BABAM2: variants seen among roughly 807,000 people sequenced by gnomAD.
BABAM2 encodes the protein BRISC and BRCA1-A complex member 2.
In BABAM2, 31 loss-of-function variants were observed where a neutral mutation model predicts 54.7. The observed-to-expected ratio is 0.57, with a 90% CI of 0.43 to 0.77. BABAM2 has a LOEUF of 0.77. Ranked by LOEUF, BABAM2 falls within the 30% of genes least tolerant of loss-of-function variation. The pLI, the probability that BABAM2 is intolerant of heterozygous loss-of-function variation, is 0.00. For synonymous variants in BABAM2, 167 were observed against 162.9 expected (o/e 1.03, Z -0.19); for missense variants, 364 against 455.8 (o/e 0.80, Z 1.83).
intron 7 of BABAM2, among the ~76,000 whole-genome samples, chr2:28,136,317 T>C (rs1426928872): frequency 6.6e-6 from 1 of 152,216 alleles, no homozygotes; most frequent in African/African-American, 2.4e-5. Flanking sequence ...TTTCCCTGTG[T>C]TTATGCCTCC....
At chr2:28,046,414 C>T (rs924737439) in intron 6 of BABAM2, among the ~76,000 whole-genome samples, 1 of 152,042 alleles carries the variant, frequency 6.6e-6, no homozygotes, top group African/African-American at 2.4e-5. Flanking sequence ...GACCCAAGAT[C>T]GAGCCACTGC....
At chr2:28,092,778 C>G (rs954753423) in intron 6 of BABAM2, among the ~76,000 whole-genome samples, 5 of 151,484 alleles carry the variant, frequency 3.3e-5, no homozygotes, top group African/African-American at 1.2e-4. Context: ...CTCTCACGCT[C>G]TCTCTCTCTC....
At chr2:28,290,900 G>A (rs1687231183) in intron 10 of BABAM2, among the ~76,000 whole-genome samples, 1 of 152,090 alleles carries the variant, frequency 6.6e-6, no homozygotes, top group South Asian at 2.1e-4. Flanking sequence ...CATCAAAATA[G>A]TTAAAATTTA....
At position 27,983,942 on chromosome 2, in the gene BABAM2, C is replaced by CTTTTTTTTTTTTTTTTTTTTTTT; in HGVS notation, c.206-4032_206-4031insTTTTTTTTTTTTTTTTTTTTTTT. Among the ~76,000 whole-genome samples the CTTTTTTTTTTTTTTTTTTTTTTT allele has an allele frequency of 3.5e-4, 11 of 31,136 alleles. 1 individual carries two copies. Among genetic ancestry groups the CTTTTTTTTTTTTTTTTTTTTTTT allele is most frequent in the South Asian group, 1.6e-3 (1 of 638 alleles). The allele number at this position is 31,136 out of a possible 152,430, so 20.4% of individuals were successfully genotyped here. A position where few individuals can be genotyped will look rare whatever the true frequency, so the allele number is the denominator to read the frequency against. On this transcript the variant is annotated intron_variant, in intron 3 of 11. Coordinates refer to ENST00000379624, the MANE Select transcript of BABAM2 (RefSeq NM_199191.3). Reference sequence around the variant, plus strand: ...TTTCCAATGTAGATACATTTTGTACCTTTTTTTTTTTTTTTTTTTGCCAAA... The same window carrying CTTTTTTTTTTTTTTTTTTTTTTT: ...TTTCCAATGTAGATACATTTTGTACCTTTTTTTTTTTTTTTTTTTTTTTTTTTTTTTTTTTTTTTTTTGCCAAA...
At chr2:28,121,943 A>G (rs961545267) in intron 6 of BABAM2, among the ~76,000 whole-genome samples, 1 of 152,150 alleles carries the variant, frequency 6.6e-6, no homozygotes, top group East Asian at 1.9e-4. Flanking sequence ...GGTCAGGCGC[A>G]GTGACTCACG....
At chr2:28,118,148 T>C (rs1208970127) in intron 6 of BABAM2, among the ~76,000 whole-genome samples, 1 of 152,200 alleles carries the variant, frequency 6.6e-6, no homozygotes, top group Non-Finnish European at 1.5e-5. Context: ...GTAAAACAGT[T>C]GCAAAAATTG....
intron 2 of BABAM2, among the ~76,000 whole-genome samples, chr2:27,907,909 A>T (rs1464904660): frequency 2.0e-5 from 3 of 152,188 alleles, no homozygotes; most frequent in Non-Finnish European, 4.4e-5. Flanking sequence ...CACTTTGTTT[A>T]TCCATTCATC....
At chr2:28,324,128 G>A (rs1690252125) in intron 11 of BABAM2, among the ~76,000 whole-genome samples, 1 of 152,150 alleles carries the variant, frequency 6.6e-6, no homozygotes. Context: ...GGTGCAATGG[G>A]GGTTGGCAGT....
intron 5 of BABAM2, among the ~76,000 whole-genome samples, chr2:28,029,654 T>C (rs1311827584): frequency 6.6e-6 from 1 of 152,184 alleles, no homozygotes; most frequent in Non-Finnish European, 1.5e-5. Flanking sequence ...TCATGCTACA[T>C]TGAACATAGG....
At chr2:28,040,131 C>G (rs1676953967) in intron 5 of BABAM2, among the ~76,000 whole-genome samples, 1 of 151,952 alleles carries the variant, frequency 6.6e-6, no homozygotes, top group South Asian at 2.1e-4. Context: ...AAGTCATTAT[C>G]TGAGGTAGAA....
At chr2:28,303,937 G>A (rs190437431) in intron 11 of BABAM2, among the ~76,000 whole-genome samples, 20 of 151,974 alleles carry the variant, frequency 1.3e-4, no homozygotes, top group Admixed American at 9.8e-4. Context: ...CTAGAGTACC[G>A]TGGCGCAATC....
chr2:28,051,385 C>G (rs763136502), intron 6 of BABAM2, among the ~76,000 whole-genome samples: 9 of 152,142 alleles, frequency 5.9e-5, no homozygotes, highest in Non-Finnish European at 2.9e-5. Flanking sequence ...AAGGAGAAGT[C>G]CAAAGAAATT....
intron 5 of BABAM2, among the ~76,000 whole-genome samples, chr2:28,039,242 A>G (rs887784429): frequency 1.3e-5 from 2 of 152,208 alleles, no homozygotes; most frequent in African/African-American, 4.8e-5. Flanking sequence ...TACTCTCTCA[A>G]TAACTGTAGG....
At chr2:27,942,866 G>T (rs887808419) in intron 3 of BABAM2, among the ~76,000 whole-genome samples, 3 of 151,508 alleles carry the variant, frequency 2.0e-5, no homozygotes, top group African/African-American at 7.3e-5. Flanking sequence ...AGCCTGGAGT[G>T]CATTATAGCT....
At chr2:28,019,669 T>G (rs1203553376) in intron 4 of BABAM2, among the ~76,000 whole-genome samples, 1 of 152,240 alleles carries the variant, frequency 6.6e-6, no homozygotes, top group Non-Finnish European at 1.5e-5. Context: ...TTGATTTTCA[T>G]ATAAGGTAAG....
intron 7 of BABAM2, among the ~76,000 whole-genome samples, chr2:28,137,707 T>TA (rs1670676948): frequency 6.6e-6 from 1 of 152,176 alleles, no homozygotes; most frequent in Non-Finnish European, 1.5e-5. Context: ...TCAGTGTTTT[T>TA]ATCTAGCTTC....
chr2:28,060,198 C>A (rs1678747331), intron 6 of BABAM2, among the ~76,000 whole-genome samples: 1 of 151,998 alleles, frequency 6.6e-6, no homozygotes, highest in Admixed American at 6.6e-5. Context: ...GCTGAATATT[C>A]AAAAATCAAC....
At chr2:27,952,429 A>T (rs1669802091) in intron 3 of BABAM2, among the ~76,000 whole-genome samples, 1 of 152,228 alleles carries the variant, frequency 6.6e-6, no homozygotes, top group Admixed American at 6.5e-5. Flanking sequence ...TTCATATCAG[A>T]AAAGACAGGA....
At chr2:28,331,539 T>A (rs768952201) in intron 11 of BABAM2, among the ~76,000 whole-genome samples, 5 of 152,166 alleles carry the variant, frequency 3.3e-5, no homozygotes, top group African/African-American at 4.8e-5. Flanking sequence ...AAGAAGACAT[T>A]TATGCAGCCA....
Sources: allele counts gnomAD v4.1 joint callset (sites outside exome capture counted in the v4.1 genomes callset), GRCh38; gene constraint gnomAD v4.1.1; transcripts MANE v1.5; gene names NCBI Gene and HGNC (gene_info 2026-07-23, HGNC 2026-07-21).